SMYD3: variants seen among roughly 807,000 people sequenced by gnomAD.
The protein encoded by SMYD3 is SET and MYND domain containing 3.
SMYD3 carries 36 observed loss-of-function variants against 57.7 expected under a neutral mutation model. The observed-to-expected ratio is 0.62, with a 90% CI of 0.48 to 0.82. The LOEUF is 0.82. SMYD3 is among the 40% of genes least tolerant of loss of function. The probability of loss-of-function intolerance (pLI) is 0.00; values close to 1 mark genes in which losing one functional copy is unlikely to be tolerated. For missense variants in SMYD3, 515 were observed against 538.8 expected (o/e 0.96, Z 0.44); for synonymous variants, 211 against 195.0 (o/e 1.08, Z -0.68).
chr1:246,438,521 C>T (rs1191741016), intron 1 of SMYD3, among the ~76,000 whole-genome samples: 1 of 152,110 alleles, frequency 6.6e-6, no homozygotes, highest in East Asian at 1.9e-4. Flanking sequence ...GATTCCAGGA[C>T]ACCAACCCCC....
At position 245,862,106 on chromosome 1, in the gene SMYD3, C is replaced by T. The variant is rs528934631; in HGVS notation, c.901+1693G>A. On this transcript the variant is annotated intron_variant, in intron 9 of 11. Coordinates refer to ENST00000490107, the MANE Select transcript of SMYD3 (RefSeq NM_001167740.2). ...CCAGAGTTGACTGTTTTCCGTTTTC[C>T]TAGTATCTTCCATCTCATCATAGAC... Among the ~76,000 whole-genome samples the T allele has an allele frequency of 3.2e-3, 493 of 152,138 alleles. 1 individual carries two copies. Among genetic ancestry groups the T allele is most frequent in the African/African-American group, 0.01 (428 of 41,512 alleles).
intron 1 of SMYD3, among the ~76,000 whole-genome samples, chr1:246,359,311 T>A (rs182055193): frequency 1.9e-4 from 29 of 152,118 alleles, no homozygotes; most frequent in African/African-American, 7.0e-4. Context: ...AAGACTGAAA[T>A]AGTAATTCTT....
chr1:245,965,346 T>C (rs1423670309), intron 5 of SMYD3, among the ~76,000 whole-genome samples: 1 of 152,216 alleles, frequency 6.6e-6, no homozygotes, highest in African/African-American at 2.4e-5. Flanking sequence ...GGACTTGGAT[T>C]AGTAGTAAGT....
At chr1:246,378,415 T>C (rs907816776) in intron 1 of SMYD3, among the ~76,000 whole-genome samples, 1 of 151,834 alleles carries the variant, frequency 6.6e-6, no homozygotes, top group African/African-American at 2.4e-5. Context: ...TCTAATCAGC[T>C]GCCAGCACAG....
At chr1:246,387,024 C>T (rs969692048) in intron 1 of SMYD3, among the ~76,000 whole-genome samples, 17 of 152,074 alleles carry the variant, frequency 1.1e-4, no homozygotes, top group African/African-American at 2.2e-4. Context: ...TCATGAAAAA[C>T]GCACAAGAAA....
At chr1:245,891,110 G>A (rs1343257980) in intron 8 of SMYD3, among the ~76,000 whole-genome samples, 1 of 152,134 alleles carries the variant, frequency 6.6e-6, no homozygotes, top group Non-Finnish European at 1.5e-5. Flanking sequence ...GATGGTTAAT[G>A]GGTACAAAAA....
chr1:246,255,984 A>G (rs2063884062), intron 5 of SMYD3, among the ~76,000 whole-genome samples: 1 of 151,780 alleles, frequency 6.6e-6, no homozygotes, highest in Non-Finnish European at 1.5e-5. Context: ...ATAGATAGAT[A>G]GATACACACA....
intron 5 of SMYD3, among the ~76,000 whole-genome samples, chr1:245,950,616 A>G (rs925575529): frequency 6.6e-6 from 1 of 152,192 alleles, no homozygotes; most frequent in Non-Finnish European, 1.5e-5. Context: ...TGCTTTCACC[A>G]TTCCGAGTCG....
intron 4 of SMYD3, among the ~76,000 whole-genome samples, chr1:246,329,793 A>G (rs183105331): frequency 5.3e-5 from 8 of 152,264 alleles, no homozygotes; most frequent in African/African-American, 1.9e-4. Context: ...CCTTATATAA[A>G]TCTGTACTAG....
intron 5 of SMYD3, among the ~76,000 whole-genome samples, chr1:246,059,336 TAG>T (rs202178021): frequency 6.8e-6 from 1 of 146,448 alleles, no homozygotes; most frequent in African/African-American, 2.6e-5. Flanking sequence ...CACATTTACC[TAG>T]AGAAAAAAAA....
At chr1:246,082,979 G>T (rs375705497) in intron 5 of SMYD3, among the ~76,000 whole-genome samples, 9 of 145,052 alleles carry the variant, frequency 6.2e-5, no homozygotes, top group Non-Finnish European at 1.3e-4. Context: ...CAAACACTGC[G>T]GAAGGCTGCA....
chr1:246,255,159 A>T (rs2063860993), intron 5 of SMYD3, among the ~76,000 whole-genome samples: 1 of 152,004 alleles, frequency 6.6e-6, no homozygotes, highest in South Asian at 2.1e-4. Context: ...CACTTCCAGG[A>T]CTATGTTGAA....
intron 10 of SMYD3, among the ~76,000 whole-genome samples, chr1:245,824,633 A>G (rs2049367293): frequency 6.6e-6 from 1 of 152,154 alleles, no homozygotes; most frequent in South Asian, 2.1e-4. Context: ...AGGCAGGCGG[A>G]TCACCTGAGG....
chr1:246,277,763 G>T (rs2064363749), intron 5 of SMYD3, among the ~76,000 whole-genome samples: 1 of 152,160 alleles, frequency 6.6e-6, no homozygotes, highest in South Asian at 2.1e-4. Context: ...AGTGAAAAGA[G>T]TCAGACCACA....
intron 5 of SMYD3, among the ~76,000 whole-genome samples, chr1:246,016,942 T>C (rs1009161702): frequency 1.2e-4 from 17 of 139,928 alleles, no homozygotes; most frequent in Non-Finnish European, 1.3e-4. Context: ...TTTTCTATGA[T>C]TTTTTTTTTG....
At chr1:246,499,250 G>C (rs2068418884) in intron 1 of SMYD3, among the ~76,000 whole-genome samples, 1 of 151,826 alleles carries the variant, frequency 6.6e-6, no homozygotes, top group African/African-American at 2.4e-5. Flanking sequence ...GTTGCAGTGA[G>C]CCGAGATTGT....
At chr1:245,899,519 A>G (rs1419288045) in intron 8 of SMYD3, among the ~76,000 whole-genome samples, 7 of 152,184 alleles carry the variant, frequency 4.6e-5, no homozygotes, top group Admixed American at 4.6e-4. Flanking sequence ...GAGAGGTTCA[A>G]TGACTTGCCC....
At chr1:246,331,126 C>T (rs2065453665) in intron 3 of SMYD3, among the ~76,000 whole-genome samples, 1 of 152,038 alleles carries the variant, frequency 6.6e-6, no homozygotes, top group African/African-American at 2.4e-5. Context: ...CAGAGCAAGT[C>T]CCTGTCTCAA....
At chr1:246,161,290 G>A (rs562696328) in intron 5 of SMYD3, among the ~76,000 whole-genome samples, 7 of 152,248 alleles carry the variant, frequency 4.6e-5, no homozygotes, top group African/African-American at 1.7e-4. Flanking sequence ...AGCTTTCAGC[G>A]TGCACTTCAA....
Sources: allele counts gnomAD v4.1 joint callset (sites outside exome capture counted in the v4.1 genomes callset), GRCh38; gene constraint gnomAD v4.1.1; transcripts MANE v1.5; gene names NCBI Gene and HGNC (gene_info 2026-07-23, HGNC 2026-07-21).